Variants in PLCL2 observed in about 807,000 individuals in gnomAD.
PLCL2 encodes phospholipase C like 2.
In PLCL2, 4 loss-of-function variants were observed where a neutral mutation model predicts 79.6. That is an observed-to-expected ratio of 0.05 (90% CI 0.02 to 0.11). The LOEUF (loss-of-function observed/expected upper bound fraction) is 0.11, where lower values mean the gene tolerates loss of function less well. Ranked by LOEUF, PLCL2 falls within the 10% of genes least tolerant of loss-of-function variation. PLCL2 has a pLI of 1.00. For synonymous variants in PLCL2, 484 were observed against 457.7 expected (o/e 1.06, Z -0.73); for missense variants, 895 against 1,291.0 (o/e 0.69, Z 4.70).
chr3:17,029,799 C>T (rs1559525256), intron 3 of PLCL2, among the ~76,000 whole-genome samples: 1 of 152,142 alleles, frequency 6.6e-6, no homozygotes, highest in East Asian at 1.9e-4. Flanking sequence ...TCCCCTTCCC[C>T]TCAACCACAC....
At chr3:17,014,686 C>T (rs1191172528) in intron 2 of PLCL2, 22 bp from the exon 3 acceptor site, 1 of 1,578,202 alleles carries the variant, frequency 6.3e-7, no homozygotes, top group Non-Finnish European at 8.7e-7. Flanking sequence ...ATTACAAATG[C>T]TCCTTTCATT....
rs1174208998 is a variant in PLCL2 at position 16,909,218 on chromosome 3, C to G, written c.327+23852C>G. Among the ~76,000 whole-genome samples, 3 of 152,116 alleles carry G rather than the reference C, an allele frequency of 2.0e-5. No homozygotes were observed. The East Asian group carries it at 5.8e-4, about 29-fold the overall frequency. On this transcript the variant is annotated intron_variant, in intron 1 of 5. Coordinates refer to ENST00000615277, the MANE Select transcript of PLCL2 (RefSeq NM_001144382.2). ...GTTATCCTTGTTTTGAGTTTCAGTT[C>G]TTGGTGTGGTAACTTAAAATGTACA... is the stretch of plus-strand genomic sequence containing the variant.
At position 17,009,094 on chromosome 3, in the gene PLCL2, C is replaced by T. The variant is rs1409061913; in HGVS notation, c.328-580C>T. On this transcript the variant is annotated intron_variant, in intron 1 of 5. Transcript: ENST00000615277. The surrounding 1 kb of genome is among the most constrained non-coding windows in gnomAD (Gnocchi z 4.0). ...TTGCCTCACGGATTCAAACGATTCTCCTGCCTCAGCCTCCCGAGTAGGTGG... is the reference window on the plus strand; with the variant it reads ...TTGCCTCACGGATTCAAACGATTCTTCTGCCTCAGCCTCCCGAGTAGGTGG... Among the ~76,000 whole-genome samples, 1 of 152,022 alleles carries T rather than the reference C, an allele frequency of 6.6e-6. No individual in the cohort carries two copies. Among genetic ancestry groups the T allele is most frequent in the Non-Finnish European group, 1.5e-5 (1 of 68,022 alleles).
chr3:17,019,956 C>T (rs1413186101), intron 3 of PLCL2, among the ~76,000 whole-genome samples: 4 of 152,166 alleles, frequency 2.6e-5, no homozygotes, highest in Non-Finnish European at 5.9e-5. Context: ...TCTGGATACT[C>T]TTCATAGTAC....
At chr3:16,993,095 C>T (rs1178100742) in intron 1 of PLCL2, among the ~76,000 whole-genome samples, 1 of 152,130 alleles carries the variant, frequency 6.6e-6, no homozygotes, top group Non-Finnish European at 1.5e-5. Flanking sequence ...TGAGAATACC[C>T]CTGTAGCTGA....
intron 1 of PLCL2, among the ~76,000 whole-genome samples, chr3:16,894,501 G>A (rs1359766002): frequency 6.6e-6 from 1 of 152,166 alleles, no homozygotes; most frequent in Non-Finnish European, 1.5e-5. Context: ...TTCAGCTTTA[G>A]TAGATACTAT....
intron 5 of PLCL2, among the ~76,000 whole-genome samples, chr3:17,082,065 C>T (rs2065167409): frequency 6.6e-6 from 1 of 151,552 alleles, no homozygotes; most frequent in Non-Finnish European, 1.5e-5. Flanking sequence ...TTTAAGTAAC[C>T]TTTGCTCTTT....
At chr3:17,026,054 A>G (rs940441655) in intron 3 of PLCL2, among the ~76,000 whole-genome samples, 6 of 152,144 alleles carry the variant, frequency 3.9e-5, no homozygotes, top group East Asian at 1.9e-4. Context: ...CTTCACTTCT[A>G]TTCCCCCAGA....
chr3:17,044,476 C>T (rs1198309801), intron 4 of PLCL2, among the ~76,000 whole-genome samples: 3 of 152,084 alleles, frequency 2.0e-5, no homozygotes, highest in Non-Finnish European at 4.4e-5. Context: ...CCCTTTAAAC[C>T]TTTAATTTGC....
intron 3 of PLCL2, among the ~76,000 whole-genome samples, chr3:17,017,760 A>T (rs569448811): frequency 6.6e-6 from 1 of 152,254 alleles, no homozygotes; most frequent in Non-Finnish European, 1.5e-5. Context: ...GTGCCATGGT[A>T]CCTCCTAAAA....
intron 4 of PLCL2, among the ~76,000 whole-genome samples, chr3:17,058,657 G>C (rs567003579): frequency 6.6e-6 from 1 of 152,260 alleles, no homozygotes; most frequent in South Asian, 2.1e-4. Context: ...CATTGCAAAG[G>C]TGATCTTTCA....
intron 1 of PLCL2, among the ~76,000 whole-genome samples, chr3:16,889,608 A>C (rs1273844730): frequency 1.3e-5 from 2 of 152,138 alleles, no homozygotes; most frequent in African/African-American, 4.8e-5. Context: ...TAGGAGAAAC[A>C]CTTTTACTGT....
At chr3:16,959,444 G>A (rs183540052) in intron 1 of PLCL2, among the ~76,000 whole-genome samples, 2 of 152,176 alleles carry the variant, frequency 1.3e-5, no homozygotes, top group Non-Finnish European at 2.9e-5. Context: ...TGCCCTTTAT[G>A]ATAATTTTTA....
chr3:16,969,856 T>C (rs1575560939), intron 1 of PLCL2, among the ~76,000 whole-genome samples: 1 of 151,880 alleles, frequency 6.6e-6, no homozygotes, highest in African/African-American at 2.4e-5. Flanking sequence ...TCCTTCTAAC[T>C]TTTTAATGTG....
intron 4 of PLCL2, among the ~76,000 whole-genome samples, chr3:17,050,327 C>T (rs1207375136): frequency 1.3e-5 from 2 of 152,028 alleles, no homozygotes; most frequent in African/African-American, 4.8e-5. Flanking sequence ...AATGGGATCA[C>T]ATCAAGTTAA....
intron 1 of PLCL2, among the ~76,000 whole-genome samples, chr3:16,907,768 C>T (rs11715735): frequency 0.023 from 3,451 of 152,060 alleles, 71 homozygotes; most frequent in African/African-American, 0.05. Context: ...TTGGTATTAA[C>T]GTACAGCATA....
chr3:17,081,906 T>C (rs1441027168), intron 5 of PLCL2, among the ~76,000 whole-genome samples: 1 of 152,186 alleles, frequency 6.6e-6, no homozygotes, highest in Non-Finnish European at 1.5e-5. Context: ...TCTTTCAAGA[T>C]GAAAACAAAA....
chr3:17,038,337 C>T (rs2064680389), intron 3 of PLCL2, among the ~76,000 whole-genome samples: 1 of 152,168 alleles, frequency 6.6e-6, no homozygotes, highest in Non-Finnish European at 1.5e-5. Flanking sequence ...AGGCTGGCAG[C>T]AGGGTGTCTG....
chr3:17,083,171 T>A (rs1263726621), intron 5 of PLCL2, among the ~76,000 whole-genome samples: 1 of 151,892 alleles, frequency 6.6e-6, no homozygotes, highest in African/African-American at 2.4e-5. Flanking sequence ...AGGGAAGCAG[T>A]AAGGAGAATT....
Sources: gnomAD v4.1 joint callset for allele counts (sites outside exome capture counted in the v4.1 genomes callset) on GRCh38, gnomAD v4.1.1 for gene constraint, Gnocchi (gnomAD v3.1) non-coding constraint, MANE v1.5 for transcripts, NCBI Gene and HGNC (gene_info 2026-07-23, HGNC 2026-07-21) for gene names.